The following IKZF4 variants were observed in gnomAD, a reference collection of about 807,000 sequenced individuals.
The protein encoded by IKZF4 is IKAROS family zinc finger 4, also known as zinc finger protein Eos.
A neutral mutation model predicts 47.7 loss-of-function variants in IKZF4; 11 were observed. That is an observed-to-expected ratio of 0.23 (90% CI 0.15 to 0.38). The LOEUF is 0.38. Among genes scored for constraint, IKZF4 ranks in the 10% least tolerant of loss-of-function variants. IKZF4 has a pLI of 1.00. For synonymous variants in IKZF4, 298 were observed against 299.4 expected (o/e 1.00, Z 0.05); for missense variants, 557 against 784.9 (o/e 0.71, Z 3.47).
chr12:56,014,811 A>AG (rs1891806745), intron 2 of IKZF4, among the ~76,000 whole-genome samples: 1 of 152,182 alleles, frequency 6.6e-6, no homozygotes, highest in African/African-American at 2.4e-5. Flanking sequence ...AACAAAAAAA[A>AG]CAGGGAAAAG....
intron 1 of IKZF4, among the ~76,000 whole-genome samples, chr12:56,023,091 G>A (rs1375757796): frequency 2.0e-5 from 3 of 152,170 alleles, no homozygotes; most frequent in Non-Finnish European, 4.4e-5. Flanking sequence ...GAGCCACCGC[G>A]CCCGGCCGCC....
At chr12:56,033,379 G>T in intron 7 of IKZF4, 58 bp downstream of exon 7, 1 of 1,604,790 alleles carries the variant, frequency 6.2e-7, no homozygotes, top group East Asian at 2.2e-5. Context: ...ATAAATCTGA[G>T]CTGTGTGGTC....
Position 56,035,357 on chromosome 12 carries a change from A to C in IKZF4, c.*26A>C. ...CAACCTCTCCCTCTCTCCTCAGTCC[A>C]CCACTCCACTGCCCTGACTACAGGC... On this transcript the variant is annotated 3_prime_UTR_variant, in exon 8 of 8. Transcript: ENST00000547167. The surrounding 1 kb of genome is among the most constrained non-coding windows in gnomAD (Gnocchi z 6.1). 6.3e-7 allele frequency: 1 copy of C among 1,585,912 alleles called. No homozygotes were observed. The highest frequency in any genetic ancestry group is 8.6e-7 in the Non-Finnish European group (1 of 1,165,350).
At chr12:56,025,833 GCCCAGGGC>G (rs2097354051) in intron 3 of IKZF4, among the ~76,000 whole-genome samples, 1 of 152,150 alleles carries the variant, frequency 6.6e-6, no homozygotes, top group Non-Finnish European at 1.5e-5. Flanking sequence ...CTGGCTTCCT[GCCCAGGGC>G]CAAGCCAGAC....
intron 1 of IKZF4, 63 bp downstream of exon 1, chr12:56,021,643 A>G: frequency 6.5e-7 from 1 of 1,549,974 alleles, no homozygotes. Context: ...TAGGGAGCCA[A>G]TTCAGTAACT....
intron 7 of IKZF4, 133 bp downstream of exon 7, chr12:56,033,454 TC>T: frequency 1.8e-6 from 2 of 1,135,346 alleles, no homozygotes; most frequent in Non-Finnish European, 2.6e-6. Flanking sequence ...ACGTCTGTAA[TC>T]CCAGCACTTT....
At chr12:56,028,749 A>G (rs1423467296) in intron 5 of IKZF4, among the ~76,000 whole-genome samples, 7 of 151,356 alleles carry the variant, frequency 4.6e-5, no homozygotes, top group African/African-American at 1.7e-4. Context: ...TAATTTTTCT[A>G]TTTTTTTGTA....
intron 7 of IKZF4, 141 bp downstream of exon 7, chr12:56,033,462 C>T (rs1895187808): frequency 7.9e-6 from 8 of 1,014,158 alleles, no homozygotes; most frequent in Non-Finnish European, 1.2e-5. Flanking sequence ...AATCCCAGCA[C>T]TTTGGGAGGC....
intron 5 of IKZF4, among the ~76,000 whole-genome samples, chr12:56,030,623 G>A (rs1012246951): frequency 6.6e-6 from 1 of 152,110 alleles, no homozygotes; most frequent in Non-Finnish European, 1.5e-5. Flanking sequence ...CTGCTACTCG[G>A]GAGGCTGAGA....
At position 56,021,358 on chromosome 12, in the gene IKZF4, T is replaced by C. The variant is rs1221787428; in HGVS notation, c.-136T>C. The C allele has an allele frequency of 6.5e-7, 1 of 1,544,754 alleles. No individual in the cohort carries two copies. Among genetic ancestry groups the C allele is most frequent in the Admixed American group, 2.0e-5 (1 of 50,898 alleles). ...CCTGGGCTGAGCTGCTCTTGCTGGCTGCAGCCGTGGGCCTCTGCTCACCGT... is the reference window on the plus strand; with the variant it reads ...CCTGGGCTGAGCTGCTCTTGCTGGCCGCAGCCGTGGGCCTCTGCTCACCGT... On this transcript the variant is annotated 5_prime_UTR_variant, in exon 1 of 8. Transcript: ENST00000547167.
At chr12:56,022,780 C>G (rs1273382272) in intron 1 of IKZF4, among the ~76,000 whole-genome samples, 3 of 149,836 alleles carry the variant, frequency 2.0e-5, no homozygotes, top group Admixed American at 6.7e-5. Context: ...ACAAAGGATG[C>G]TTTTCCCTCA....
chr12:56,021,891 C>A (rs1347819495), intron 1 of IKZF4: 3 of 429,276 alleles, frequency 7.0e-6, no homozygotes, highest in Middle Eastern at 6.4e-4. Context: ...AATGCCGAGA[C>A]AGGCCTGGGT....
upstream of IKZF4, among the ~76,000 whole-genome samples, chr12:56,016,837 G>A (rs377564474): frequency 3.2e-4 from 49 of 151,930 alleles, no homozygotes; most frequent in East Asian, 2.5e-3. Context: ...GAGGTGATCC[G>A]CCCGCCTCGG....
intron 2 of IKZF4, chr12:56,024,079 T>C (rs1428415684): frequency 5.5e-6 from 2 of 361,928 alleles, no homozygotes; most frequent in African/African-American, 4.4e-5. Flanking sequence ...GGAGGGATTT[T>C]TTTAAAAAAG....
At chr12:56,012,093 A>T (rs186829774) in intron 2 of IKZF4, among the ~76,000 whole-genome samples, 1 of 152,252 alleles carries the variant, frequency 6.6e-6, no homozygotes, top group East Asian at 1.9e-4. Flanking sequence ...TCCACCGCAG[A>T]ACCCAGGTAC....
Position 56,027,960 on chromosome 12 carries a change from C to A in IKZF4, c.715+13C>A. 6.5e-7 allele frequency: 1 copy of A among 1,537,820 alleles called. No homozygotes were observed. Among genetic ancestry groups the A allele is most frequent in the Non-Finnish European group, 8.7e-7 (1 of 1,143,560 alleles). The stretch of plus-strand genomic sequence containing the variant: ...CGCACACACTCAGGTCAGTGTCTGT[C>A]CAGTGGGAGGAGGGAATGAGGCTCC... On this transcript the variant is annotated intron_variant, in intron 5 of 7. Coordinates refer to ENST00000547167, the MANE Select transcript of IKZF4 (RefSeq NM_022465.4).
At chr12:56,021,858 A>G (rs368788436) in intron 1 of IKZF4, 2 of 523,048 alleles carry the variant, frequency 3.8e-6, no homozygotes, top group African/African-American at 1.9e-5. Flanking sequence ...CCTTGGGGAT[A>G]GAGGTAGAGC....
At chr12:56,017,123 CA>C (rs1892186197), upstream of IKZF4, among the ~76,000 whole-genome samples, 1 of 151,798 alleles carries the variant, frequency 6.6e-6, no homozygotes, top group African/African-American at 2.4e-5. Context: ...AACAAATTAT[CA>C]CTTTTAAGTG....
rs191859894 is a variant in IKZF4 at position 56,023,837 on chromosome 12, C to T, written c.181+73C>T. ...ACTTCAGGGATGAATTTTAGGCTTC[C>T]TCTCTCTTTCTTGCACTCTCCCTTG... On this transcript the variant is annotated intron_variant, in intron 2 of 7. Coordinates refer to ENST00000547167, the MANE Select transcript of IKZF4 (RefSeq NM_022465.4). 5 of 1,557,150 alleles carry T rather than the reference C, an allele frequency of 3.2e-6. No individual in the cohort carries two copies. In the East Asian group the frequency reaches 9.5e-5, roughly 30 times the overall value.
Sources: allele counts gnomAD v4.1 joint callset (sites outside exome capture counted in the v4.1 genomes callset), GRCh38; gene constraint gnomAD v4.1.1; non-coding constraint Gnocchi (gnomAD v3.1); transcripts MANE v1.5; gene names NCBI Gene and HGNC (gene_info 2026-07-23, HGNC 2026-07-21).